The following GLIS1 variants were observed in gnomAD, a reference collection of about 807,000 sequenced individuals.
GLIS1 encodes GLIS family zinc finger 1.
A neutral mutation model predicts 63.8 loss-of-function variants in GLIS1; 24 were observed. The ratio of observed to expected loss-of-function variants is 0.38; its 90% confidence interval spans 0.27 to 0.53. The LOEUF (loss-of-function observed/expected upper bound fraction) is 0.53. Among genes scored for constraint, GLIS1 ranks in the 20% least tolerant of loss-of-function variants. GLIS1 has a pLI of 0.85. For synonymous variants in GLIS1, 450 were observed against 482.5 expected (o/e 0.93, Z 0.88); for missense variants, 1,036 against 1,074.1 (o/e 0.96, Z 0.50).
In GLIS1 at chr1:53,646,063, T is replaced by C. The variant is rs1473705346; in HGVS notation, c.260-45785A>G. 6.6e-6 allele frequency among the ~76,000 whole-genome samples: 1 copy of C among 152,194 alleles called. No homozygotes were observed. Among genetic ancestry groups the C allele is most frequent in the Admixed American group, 6.5e-5 (1 of 15,274 alleles). On this transcript the variant is annotated intron_variant, in intron 2 of 10. Transcript: ENST00000628545. This position sits in a 1 kb window ranked among gnomAD's most constrained non-coding sequence, Gnocchi z 4.2. ...ACACCTGCAACATCCAGCAACATAATGCTGAATTTAAAAAGCAAATCTCAG... is the reference window on the plus strand; with the variant it reads ...ACACCTGCAACATCCAGCAACATAACGCTGAATTTAAAAAGCAAATCTCAG...
chr1:53,610,993 T>C (rs926008493), intron 2 of GLIS1, among the ~76,000 whole-genome samples: 16 of 152,196 alleles, frequency 1.1e-4, no homozygotes, highest in African/African-American at 2.9e-4. Context: ...TATTTTTTCA[T>C]TTAAAATTTT....
chr1:53,565,460 G>A (rs1644929049), intron 4 of GLIS1, among the ~76,000 whole-genome samples: 1 of 151,944 alleles, frequency 6.6e-6, no homozygotes, highest in Admixed American at 6.6e-5. Flanking sequence ...GAAAAGACTA[G>A]TAGACAAACC....
intron 3 of GLIS1, among the ~76,000 whole-genome samples, chr1:53,597,714 G>T (rs555324571): frequency 2.2e-4 from 34 of 152,222 alleles, no homozygotes; most frequent in South Asian, 1.0e-3. Context: ...GGGGCTGGGG[G>T]TCTGTTTTTC....
At chr1:53,721,243 T>C (rs1646751077) in intron 2 of GLIS1, among the ~76,000 whole-genome samples, 1 of 152,146 alleles carries the variant, frequency 6.6e-6, no homozygotes, top group Non-Finnish European at 1.5e-5. Context: ...AGAAATCTTA[T>C]TTAGGGTGGC....
chr1:53,633,321 C>T (rs1209374790), intron 2 of GLIS1, among the ~76,000 whole-genome samples: 3 of 78,826 alleles, frequency 3.8e-5, no homozygotes, highest in Non-Finnish European at 2.5e-5. Flanking sequence ...GACTGGGGGG[C>T]GTGTGAATGG....
rs562565485 is a variant in GLIS1, at chr1:53,542,115, C to G, written c.1321-12163G>C. ...GTCCACAGTGACATCTGGTTATAAG[C>G]AGGTGCCCAGCAGACTCAGCCAGAG... On this transcript the variant is annotated intron_variant, in intron 4 of 10. Transcript: ENST00000628545. 2.0e-5 allele frequency among the ~76,000 whole-genome samples: 3 copies of G among 152,376 alleles called. No homozygotes were observed. In the East Asian group the frequency reaches 5.8e-4, roughly 29 times the overall value.
chr1:53,696,618 C>T (rs1210777196), intron 2 of GLIS1, among the ~76,000 whole-genome samples: 3 of 151,798 alleles, frequency 2.0e-5, no homozygotes, highest in African/African-American at 4.9e-5. Context: ...TCACCCCACC[C>T]GGCCATGCTC....
intron 4 of GLIS1, among the ~76,000 whole-genome samples, chr1:53,588,307 A>G (rs1039943955): frequency 3.3e-5 from 5 of 152,188 alleles, no homozygotes; most frequent in Non-Finnish European, 7.3e-5. Context: ...CTGCACCCCC[A>G]GCTCCTAGCA....
chr1:53,696,983 C>A (rs889704542), intron 2 of GLIS1, among the ~76,000 whole-genome samples: 1 of 152,214 alleles, frequency 6.6e-6, no homozygotes, highest in African/African-American at 2.4e-5. Context: ...CGAGATGCCC[C>A]TTCATTGTGC....
rs191062670 is a variant in GLIS1, at chr1:53,607,384, C to T, written c.260-7106G>A. 5.9e-5 allele frequency among the ~76,000 whole-genome samples: 9 copies of T among 152,330 alleles called. No individual in the cohort carries two copies. In the East Asian group the frequency reaches 1.7e-3, roughly 29 times the overall value. ...CTCCTGGCCTCATGGGATCCTCCAC[C>T]TCAGCCTCCTGAGTAGCCAGGACAA... On this transcript the variant is annotated intron_variant, in intron 2 of 10. Coordinates refer to ENST00000628545, the MANE Select transcript of GLIS1 (RefSeq NM_001367484.1).
At chr1:53,658,085 A>C in intron 2 of GLIS1, among the ~76,000 whole-genome samples, 1 of 151,912 alleles carries the variant, frequency 6.6e-6, no homozygotes, top group Non-Finnish European at 1.5e-5. Flanking sequence ...TATGCTCACC[A>C]TTCCCCAGAT....
At chr1:53,516,779 C>T (rs570813482) in intron 7 of GLIS1, among the ~76,000 whole-genome samples, 3 of 151,744 alleles carry the variant, frequency 2.0e-5, no homozygotes, top group South Asian at 4.2e-4. Context: ...TGCCACCACA[C>T]TCCAGCCTGG....
intron 2 of GLIS1, among the ~76,000 whole-genome samples, chr1:53,659,020 G>A (rs560912032): frequency 9.8e-5 from 15 of 152,292 alleles, no homozygotes; most frequent in African/African-American, 3.6e-4. Context: ...CTATGAATGC[G>A]GATCGTGGCA....
chr1:53,734,033 C>G (rs1570119196), intron 2 of GLIS1: 1 of 985,156 alleles, frequency 1.0e-6, no homozygotes, highest in Non-Finnish European at 1.2e-6. Flanking sequence ...CGCCCCCACT[C>G]CGAGTCCATG....
At chr1:53,679,086 C>T (rs1463034595) in intron 2 of GLIS1, among the ~76,000 whole-genome samples, 1 of 152,152 alleles carries the variant, frequency 6.6e-6, no homozygotes, top group Non-Finnish European at 1.5e-5. Flanking sequence ...CAGCTGCCGG[C>T]GTTCTTAGAT....
At chr1:53,652,315 T>A (rs1302672058) in intron 2 of GLIS1, among the ~76,000 whole-genome samples, 1 of 152,144 alleles carries the variant, frequency 6.6e-6, no homozygotes, top group Non-Finnish European at 1.5e-5. Context: ...AAAACCAGCT[T>A]GCTAGAGTAG....
intron 4 of GLIS1, among the ~76,000 whole-genome samples, chr1:53,540,336 CCA>C (rs1467586371): frequency 6.6e-6 from 1 of 152,108 alleles, no homozygotes; most frequent in African/African-American, 2.4e-5. Flanking sequence ...AAGAAGAGGG[CCA>C]CAGTGAATAA....
At chr1:53,643,926 C>A (rs1173471882) in intron 2 of GLIS1, among the ~76,000 whole-genome samples, 1 of 152,214 alleles carries the variant, frequency 6.6e-6, no homozygotes, top group African/African-American at 2.4e-5. Flanking sequence ...GAGCCAGGGG[C>A]TTACTCTCTC....
chr1:53,650,294 A>C (rs1394699283), intron 2 of GLIS1, among the ~76,000 whole-genome samples: 2 of 152,220 alleles, frequency 1.3e-5, no homozygotes, highest in Admixed American at 1.3e-4. Flanking sequence ...AAATCCATAA[A>C]AAAGACCACA....
Sources: allele counts gnomAD v4.1 joint callset (sites outside exome capture counted in the v4.1 genomes callset), GRCh38; gene constraint gnomAD v4.1.1; non-coding constraint Gnocchi (gnomAD v3.1); transcripts MANE v1.5; gene names NCBI Gene and HGNC (gene_info 2026-07-23, HGNC 2026-07-21).